CNTNAP2: variants seen among roughly 807,000 people sequenced by gnomAD.
The protein encoded by CNTNAP2 is contactin-associated protein-like 2.
CNTNAP2 carries 98 observed loss-of-function variants against 155.2 expected under a neutral mutation model. That is an observed-to-expected ratio of 0.63 (90% confidence interval 0.54 to 0.75). The LOEUF (loss-of-function observed/expected upper bound fraction) is 0.75. Among genes scored for constraint, CNTNAP2 ranks in the 30% least tolerant of loss-of-function variants. CNTNAP2 has a pLI of 0.00. For missense variants in CNTNAP2, 1,727 were observed against 1,688.1 expected (o/e 1.02, Z -0.40); for synonymous variants, 651 against 631.2 (o/e 1.03, Z -0.47).
chr7:146,163,515 A>C (rs1035502333), intron 1 of CNTNAP2, among the ~76,000 whole-genome samples: 2 of 50,394 alleles, frequency 4.0e-5, no homozygotes, highest in East Asian at 3.0e-3. Context: ...ATCTATATAT[A>C]TCTATATATA....
At chr7:147,073,680 A>G (rs543275285) in intron 4 of CNTNAP2, among the ~76,000 whole-genome samples, 5 of 152,178 alleles carry the variant, frequency 3.3e-5, no homozygotes, top group Admixed American at 6.5e-5. Context: ...GGAAATCTAG[A>G]AGGGAGATGT....
At position 148,382,517 on chromosome 7, in the gene CNTNAP2, G is replaced by C. The variant is rs867575512; in HGVS notation, c.3476-1132G>C. Among the ~76,000 whole-genome samples, 8 of 152,330 alleles carry C rather than the reference G, an allele frequency of 5.3e-5. 1 individual carries two copies. Among genetic ancestry groups the C allele is most frequent in the Middle Eastern group, 6.8e-3 (2 of 294 alleles). On this transcript the variant is annotated intron_variant, in intron 21 of 23. Transcript: ENST00000361727. The stretch of plus-strand genomic sequence containing the variant: ...ACAAGTTTTCTACCCAGCTCTAAAA[G>C]AGGAGACAAAACTAACACTGGTTCA...
intron 21 of CNTNAP2, among the ~76,000 whole-genome samples, chr7:148,287,582 GT>G (rs1453030270): frequency 1.3e-5 from 2 of 152,010 alleles, no homozygotes; most frequent in Non-Finnish European, 2.9e-5. Context: ...CTGATTTTCT[GT>G]TGCTATAACA....
intron 9 of CNTNAP2, among the ~76,000 whole-genome samples, chr7:147,388,521 C>T (rs568420074): frequency 2.0e-5 from 3 of 152,260 alleles, no homozygotes; most frequent in African/African-American, 4.8e-5. Flanking sequence ...TAGTGAAAAC[C>T]ACAAATTTAC....
intron 13 of CNTNAP2, among the ~76,000 whole-genome samples, chr7:147,665,165 G>T (rs1795674405): frequency 6.6e-6 from 1 of 152,072 alleles, no homozygotes; most frequent in Admixed American, 6.5e-5. Context: ...CCACTATTCT[G>T]ACTTCTGAAA....
chr7:147,501,003 G>A (rs1339521280), intron 11 of CNTNAP2, among the ~76,000 whole-genome samples: 1 of 151,966 alleles, frequency 6.6e-6, no homozygotes, highest in Non-Finnish European at 1.5e-5. Flanking sequence ...AGCAAACCAA[G>A]TTCTACAGCA....
chr7:147,625,080 G>C (rs971552773), intron 12 of CNTNAP2, among the ~76,000 whole-genome samples: 6 of 152,124 alleles, frequency 3.9e-5, no homozygotes, highest in African/African-American at 1.2e-4. Context: ...ATGGACATAG[G>C]GTGGAAGGAT....
intron 21 of CNTNAP2, among the ~76,000 whole-genome samples, chr7:148,347,489 C>T (rs1220310180): frequency 6.6e-6 from 1 of 152,132 alleles, no homozygotes; most frequent in Non-Finnish European, 1.5e-5. Context: ...ATCGGTGTCA[C>T]CTAAACCAAC....
At chr7:147,221,075 T>A (rs2116593929) in intron 8 of CNTNAP2, among the ~76,000 whole-genome samples, 1 of 152,102 alleles carries the variant, frequency 6.6e-6, no homozygotes, top group East Asian at 1.9e-4. Flanking sequence ...CATTTATATA[T>A]AATCCAAGCC....
chr7:147,829,210 G>A (rs1355557887), intron 13 of CNTNAP2, among the ~76,000 whole-genome samples: 1 of 152,122 alleles, frequency 6.6e-6, no homozygotes, highest in African/African-American at 2.4e-5. Context: ...ATCAGCTGGA[G>A]GCAAGAACAG....
At chr7:147,793,744 C>A (rs560912943) in intron 13 of CNTNAP2, among the ~76,000 whole-genome samples, 1 of 151,936 alleles carries the variant, frequency 6.6e-6, no homozygotes, top group Non-Finnish European at 1.5e-5. Flanking sequence ...TTAAATCAGA[C>A]CTCAAGTTAG....
chr7:147,405,432 C>G lies in CNTNAP2; in HGVS notation c.1670+9652C>G, dbSNP rs186621857. Among the ~76,000 whole-genome samples the G allele has an allele frequency of 2.6e-5, 4 of 152,264 alleles. No individual in the cohort carries two copies. The South Asian group carries it at 8.3e-4, about 32-fold the overall frequency. On this transcript the variant is annotated intron_variant, in intron 10 of 23. Transcript: ENST00000361727. ...CTCTCCCCTAAACCAAGATTACAGA[C>G]TCATGGACATGTACCATTCTTTTTG... is the stretch of plus-strand genomic sequence containing the variant.
chr7:147,629,984 A>C (rs373156053), intron 12 of CNTNAP2, among the ~76,000 whole-genome samples: 1 of 152,108 alleles, frequency 6.6e-6, no homozygotes, highest in African/African-American at 2.4e-5. Context: ...ATCAGAACAG[A>C]ACTAAATGAA....
intron 1 of CNTNAP2, among the ~76,000 whole-genome samples, chr7:146,186,777 C>T (rs1294449863): frequency 6.6e-6 from 1 of 152,124 alleles, no homozygotes; most frequent in Non-Finnish European, 1.5e-5. Flanking sequence ...TCCCTTCTAC[C>T]TGGAAGTTTA....
In CNTNAP2 at chr7:147,375,808, T is replaced by C. The variant is rs553254840; in HGVS notation, c.1499-19801T>C. On this transcript the variant is annotated intron_variant, in intron 9 of 23. Transcript: ENST00000361727. ...CTCATATTTCGTTGACGTTTCAGCC[T>C]TTATACTTTTTAAAAATCAGTTCAC... Among the ~76,000 whole-genome samples the C allele has an allele frequency of 3.3e-5, 5 of 152,194 alleles. No individual in the cohort carries two copies. The South Asian group carries it at 1.0e-3, about 32-fold the overall frequency.
chr7:147,042,691 A>C (rs1054535603), intron 3 of CNTNAP2, among the ~76,000 whole-genome samples: 6 of 152,198 alleles, frequency 3.9e-5, no homozygotes, highest in African/African-American at 1.2e-4. Context: ...AGAAGACAAC[A>C]TACTAACAAT....
chr7:147,394,597 T>C (rs7799221), intron 9 of CNTNAP2, among the ~76,000 whole-genome samples: 2,492 of 152,134 alleles, frequency 0.016, 67 homozygotes, highest in African/African-American at 0.056. Flanking sequence ...TTTCTGGAGA[T>C]ACTTAATGGG....
chr7:146,237,536 G>T (rs1467583386), intron 1 of CNTNAP2, among the ~76,000 whole-genome samples: 3 of 152,180 alleles, frequency 2.0e-5, no homozygotes, highest in Non-Finnish European at 4.4e-5. Flanking sequence ...TCACATAAAA[G>T]AGAGAAAAGG....
chr7:147,204,715 C>G (rs1049263551), intron 8 of CNTNAP2, among the ~76,000 whole-genome samples: 1 of 151,944 alleles, frequency 6.6e-6, no homozygotes, highest in African/African-American at 2.4e-5. Flanking sequence ...ATGTACCACG[C>G]TAATGTAATG....
Sources: gnomAD v4.1 joint callset for allele counts (sites outside exome capture counted in the v4.1 genomes callset) on GRCh38, gnomAD v4.1.1 for gene constraint, MANE v1.5 for transcripts, NCBI Gene and HGNC (gene_info 2026-07-23, HGNC 2026-07-21) for gene names.